Variants in MCFD2 observed in about 807,000 individuals in gnomAD.
MCFD2 encodes the protein multiple coagulation factor deficiency protein 2.
Under a neutral mutation model 12.8 loss-of-function variants are expected in MCFD2, and 11 were observed. The ratio of observed to expected loss-of-function variants is 0.86; its 90% CI spans 0.54 to 1.42. The LOEUF is 1.42. Ranked by LOEUF, MCFD2 falls within the 40% of genes most tolerant of loss-of-function variation. The pLI is 0.00. For synonymous variants in MCFD2, 70 were observed against 68.1 expected (o/e 1.03, Z -0.14); for missense variants, 191 against 178.6 (o/e 1.07, Z -0.40).
At chr2:46,911,189 G>A (rs752314282) in intron 1 of MCFD2, among the ~76,000 whole-genome samples, 9 of 151,928 alleles carry the variant, frequency 5.9e-5, no homozygotes, top group Non-Finnish European at 1.0e-4. Context: ...GTGCAGTGGC[G>A]CAATCTTGGC....
intron 1 of MCFD2, among the ~76,000 whole-genome samples, chr2:46,914,906 A>G (rs1323447403): frequency 1.3e-5 from 2 of 152,248 alleles, no homozygotes; most frequent in Admixed American, 1.3e-4. Context: ...AAATGAATCT[A>G]AAGTTAAAGG....
At position 46,908,379 on chromosome 2, in the gene MCFD2, G is replaced by C; in HGVS notation, c.150-410C>G. The C allele has an allele frequency of 3.3e-6, 1 of 307,440 alleles. No homozygotes were observed. Among genetic ancestry groups the C allele is most frequent in the African/African-American group, 2.2e-5 (1 of 45,240 alleles). 19.0% of individuals were successfully genotyped at this position (307,440 alleles called of 1,614,324 possible). On this transcript the variant is annotated intron_variant, in intron 2 of 3. Transcript: ENST00000319466. This position sits in a 1 kb window ranked among gnomAD's most constrained non-coding sequence, Gnocchi z 4.5. ...AAGCTCAGTTGATTCTCCCACTTCA[G>C]CCCCCCAAGTAGCTGGGACCATAGG...
At chr2:46,939,251 T>A (rs1670132695) in intron 1 of MCFD2, among the ~76,000 whole-genome samples, 1 of 151,942 alleles carries the variant, frequency 6.6e-6, no homozygotes, top group African/African-American at 2.4e-5. Flanking sequence ...CTAAAACAAG[T>A]CACTAAGGAA....
chr2:46,923,944 C>A (rs1297055757), intron 1 of MCFD2, among the ~76,000 whole-genome samples: 2 of 152,098 alleles, frequency 1.3e-5, no homozygotes, highest in Admixed American at 1.3e-4. Flanking sequence ...CCATGTTGGC[C>A]AGGCTGGTCT....
intron 1 of MCFD2, among the ~76,000 whole-genome samples, chr2:46,923,835 C>T (rs1006203462): frequency 6.6e-6 from 1 of 152,042 alleles, no homozygotes; most frequent in Non-Finnish European, 1.5e-5. Context: ...CAGGTTCAAG[C>T]AAATCTCTTG....
At chr2:46,925,774 T>C (rs964514976) in intron 1 of MCFD2, among the ~76,000 whole-genome samples, 3 of 152,178 alleles carry the variant, frequency 2.0e-5, no homozygotes, top group African/African-American at 7.2e-5. Context: ...TTAACCCCCG[T>C]TGAAAGGGAT....
At chr2:46,933,021 A>C (rs993420853) in intron 1 of MCFD2, among the ~76,000 whole-genome samples, 43 of 152,132 alleles carry the variant, frequency 2.8e-4, no homozygotes, top group African/African-American at 1.0e-3. Context: ...AAACCAGACC[A>C]GCTAAGCTGC....
Position 46,931,692 on chromosome 2 carries a change from T to A in MCFD2, c.-8+9880A>T, listed in dbSNP as rs535073176. 2.6e-3 allele frequency among the ~76,000 whole-genome samples: 385 copies of A among 148,642 alleles called. 3 individuals are homozygous for A. Among genetic ancestry groups the A allele is most frequent in the African/African-American group, 8.6e-3 (343 of 40,016 alleles). ...TGGGGGAAAAAACAAAAACAGACAA[T>A]AATAAATAAATAAATAAATAAATAA... On this transcript the variant is annotated intron_variant, in intron 1 of 2. Coordinates refer to the MCFD2 transcript ENST00000409147.
At position 46,904,170 on chromosome 2, in the gene MCFD2, T is replaced by C. The variant is rs1277375740; in HGVS notation, c.*1293A>G. The C allele has an allele frequency of 1.3e-5, 2 of 152,244 alleles. No individual in the cohort carries two copies. The highest frequency in any genetic ancestry group is 2.4e-5 in the African/African-American group (1 of 41,446). The allele number at this position is 152,244 out of a possible 1,614,324, so 9.4% of individuals were successfully genotyped here. On this transcript the variant is annotated 3_prime_UTR_variant, in exon 4 of 4. Transcript: ENST00000319466. ...CTCCGCCTAGTTTTCAGAAGATGTA[T>C]GGAAATGCCTCAATGCCCAGGCAAA...
chr2:46,920,629 C>T (rs751876607), upstream of MCFD2, among the ~76,000 whole-genome samples: 3 of 150,180 alleles, frequency 2.0e-5, no homozygotes, highest in Non-Finnish European at 4.4e-5. Context: ...CCATGCCTGG[C>T]CTTAGTCTTA....
intron 1 of MCFD2, among the ~76,000 whole-genome samples, chr2:46,930,453 AC>A (rs1203375815): frequency 4.9e-4 from 72 of 148,426 alleles, no homozygotes; most frequent in African/African-American, 1.7e-3. Flanking sequence ...AAAAAAACTT[AC>A]CAAAAATTGA....
upstream of MCFD2, chr2:46,915,806 G>GGGGGGGGGGGGGGGCGGC: frequency 2.0e-6 from 1 of 512,582 alleles, no homozygotes; most frequent in Non-Finnish European, 2.1e-6. Context: ...CCTCGGCTTC[G>GGGGGGGGGGGGGGGCGGC]CCCCGCCCCC....
intron 1 of MCFD2, among the ~76,000 whole-genome samples, chr2:46,922,208 G>A (rs1669141129): frequency 6.6e-6 from 1 of 152,102 alleles, no homozygotes; most frequent in Non-Finnish European, 1.5e-5. Flanking sequence ...GAGTATTTGT[G>A]CCAGGCTGAT....
upstream of MCFD2, among the ~76,000 whole-genome samples, chr2:46,919,367 C>T (rs1201287500): frequency 6.6e-6 from 1 of 152,118 alleles, no homozygotes; most frequent in African/African-American, 2.4e-5. Flanking sequence ...AACCCTGTCT[C>T]TACTAAAAAT....
chr2:46,912,953 C>T (rs1186593405), intron 1 of MCFD2, among the ~76,000 whole-genome samples: 1 of 152,158 alleles, frequency 6.6e-6, no homozygotes, highest in African/African-American at 2.4e-5. Context: ...TCATGGAACT[C>T]ATGGCACCAT....
At chr2:46,910,564 GAGAGGT>G (rs1427260114) in intron 1 of MCFD2, among the ~76,000 whole-genome samples, 2 of 152,200 alleles carry the variant, frequency 1.3e-5, no homozygotes, top group African/African-American at 4.8e-5. Flanking sequence ...GCCTGGGGCT[GAGAGGT>G]AGAGGTGTTA....
chr2:46,908,962 C>T lies in MCFD2; in HGVS notation c.149+61G>A, dbSNP rs1344553148. The T allele has an allele frequency of 9.4e-6, 15 of 1,599,488 alleles. No homozygotes were observed. The highest frequency in any genetic ancestry group is 1.7e-4 in the Middle Eastern group (1 of 6,052). On this transcript the variant is annotated intron_variant, in intron 2 of 3. Coordinates refer to ENST00000319466, the MANE Select transcript of MCFD2 (RefSeq NM_139279.6). This position sits in a 1 kb window ranked among gnomAD's most constrained non-coding sequence, Gnocchi z 4.5. ...AAAGGAGGACTGAGCATGCCCTTGC[C>T]GCTGGCTCAGCTGCAGATGATGGGG...
At chr2:46,916,684 G>C (rs1207415904), upstream of MCFD2, 1 of 162,488 alleles carries the variant, frequency 6.2e-6, no homozygotes, top group Non-Finnish European at 1.3e-5. Flanking sequence ...TCCCAGGCTG[G>C]AGTGCAGTGG....
upstream of MCFD2, chr2:46,916,062 C>G (rs540276954): frequency 2.0e-6 from 2 of 985,340 alleles, no homozygotes; most frequent in Admixed American, 1.2e-4. Context: ...CTAGGCAACG[C>G]CGGAAGCCCT....
Sources: gnomAD v4.1 joint callset for allele counts (sites outside exome capture counted in the v4.1 genomes callset) on GRCh38, gnomAD v4.1.1 for gene constraint, Gnocchi (gnomAD v3.1) non-coding constraint, MANE v1.5 for transcripts, NCBI Gene and HGNC (gene_info 2026-07-23, HGNC 2026-07-21) for gene names.